The following CTSD variants were observed in gnomAD, a reference collection of about 807,000 sequenced individuals.
CTSD encodes the protein ceroid-lipofuscinosis, neuronal 10.
A neutral mutation model predicts 43.6 loss-of-function variants in CTSD; 28 were observed. The observed-to-expected ratio is 0.64, with a 90% CI of 0.48 to 0.88. The LOEUF is 0.88. Among genes scored for constraint, CTSD ranks in the 40% least tolerant of loss-of-function variants. The probability of loss-of-function intolerance (pLI) is 0.00; values close to 1 mark genes in which losing one functional copy is unlikely to be tolerated. For missense variants in CTSD, 485 were observed against 555.2 expected (o/e 0.87, Z 1.27); for synonymous variants, 270 against 249.8 (o/e 1.08, Z -0.76).
At chr11:1,759,685 C>T in intron 2 of CTSD, 46 bp from the exon 3 acceptor site, 5 of 1,588,778 alleles carry the variant, frequency 3.1e-6, no homozygotes, top group Non-Finnish European at 3.4e-6. Flanking sequence ...GGGGCCCCAT[C>T]TCCCCACTGG....
Position 1,759,500 on chromosome 11 carries a change from A to G in CTSD, c.352+16T>C, listed in dbSNP as rs2133664139. On this transcript the variant is annotated intron_variant, in intron 3 of 8. Coordinates refer to ENST00000236671, the MANE Select transcript of CTSD (RefSeq NM_001909.5). The stretch of plus-strand genomic sequence containing the variant: ...AGGGCAGGACCTGGGCGACGGGGCC[A>G]GGGTTCGTGACTCACAGCAAGCGAT... The G allele has an allele frequency of 1.2e-6, 2 of 1,612,988 alleles. No homozygotes were observed. The highest frequency in any genetic ancestry group is 1.7e-6 in the Non-Finnish European group (2 of 1,179,922).
intron 1 of CTSD, 25 bp from the exon 2 acceptor site, chr11:1,761,493 T>A (rs1845876958): frequency 6.2e-7 from 1 of 1,613,212 alleles, no homozygotes; most frequent in Non-Finnish European, 8.5e-7. Context: ...TCGGGGCATA[T>A]CAGGGAGGCC....
At chr11:1,754,826 C>A in intron 6 of CTSD, 80 bp downstream of exon 6, 1 of 1,592,762 alleles carries the variant, frequency 6.3e-7, no homozygotes, top group Non-Finnish European at 8.6e-7. Context: ...CCCCCACCTG[C>A]AGAACCGGGG....
rs1376744049 is a variant in CTSD, at chr11:1,761,401, G to A, written c.136C>T (p.Leu46=). 1.2e-6 allele frequency: 2 copies of A among 1,613,724 alleles called. No homozygotes were observed. The highest frequency in any genetic ancestry group is 1.7e-6 in the Non-Finnish European group (2 of 1,180,006). ...TTTGAGACGGGGCCTTTGGCAATCA[G>A]GTCCTCCACAGAGCCCCCAACCTCC... ...MSEVGGSVED[L]IAKGPVSKYS... The change falls in exon 2 of 9, where the codon CTG becomes TTG. Residue 46 remains leucine (L), a synonymous_variant. Coordinates refer to ENST00000236671, the MANE Select transcript of CTSD (RefSeq NM_001909.5).
rs1313406358 is a variant in CTSD at position 1,754,412 on chromosome 11, AAGGGATGGAGGGGCATGGAGGGATGG to A, written c.828-300_828-275del. Among the ~76,000 whole-genome samples the A allele has an allele frequency of 2.3e-3, 206 of 89,916 alleles. 3 individuals are homozygous for A. The highest frequency in any genetic ancestry group is 7.3e-3 in the African/African-American group (199 of 27,316). The allele number at this position is 89,916 out of a possible 152,430, so 59.0% of individuals were successfully genotyped here. A position where few individuals can be genotyped will look rare whatever the true frequency, so the allele number is the denominator to read the frequency against. ...AGGGATGGAGGGGATGGAGGGGATG[AAGGGATGGAGGGGCATGGAGGGATGG>A]AGGGATGGAGGGATAGACAGATGGA... is the stretch of plus-strand genomic sequence containing the variant. On this transcript the variant is annotated intron_variant, in intron 6 of 8. Coordinates refer to ENST00000236671, the MANE Select transcript of CTSD (RefSeq NM_001909.5).
At chr11:1,754,363 G>A (rs1845770445) in intron 6 of CTSD, 1 of 572,762 alleles carries the variant, frequency 1.7e-6, no homozygotes, top group Non-Finnish European at 3.1e-6. Flanking sequence ...GGCATGGAGG[G>A]ATGGAGGGGA....
In CTSD at chr11:1,753,359, C is replaced by A; in HGVS notation, c.*144G>T. The A allele has an allele frequency of 1.1e-6, 1 of 930,872 alleles. No homozygotes were observed. Among genetic ancestry groups the A allele is most frequent in the South Asian group, 1.3e-5 (1 of 74,842 alleles). 57.7% of individuals were successfully genotyped at this position (930,872 alleles called of 1,614,324 possible). On this transcript the variant is annotated 3_prime_UTR_variant, in exon 9 of 9. Coordinates refer to ENST00000236671, the MANE Select transcript of CTSD (RefSeq NM_001909.5). ...AAAACCACAGAACAAAACAGCAAGT[C>A]GGGCTTGGGCCGCCGGCTTCCAGGG... is the stretch of plus-strand genomic sequence containing the variant.
rs1845879561 is a variant in CTSD, at chr11:1,761,648, C to T, written c.69-180G>A. ...GCTCCCCCAAGTCAGTGAATGGCAA[C>T]CCATTGCCCCCCGCCAGGTTGCACA... On this transcript the variant is annotated intron_variant, in intron 1 of 8. Transcript: ENST00000236671. 5.7e-6 allele frequency: 4 copies of T among 697,592 alleles called. No individual in the cohort carries two copies. In the East Asian group the frequency reaches 8.2e-5, roughly 14 times the overall value. 43.2% of individuals were successfully genotyped at this position (697,592 alleles called of 1,614,324 possible). A position where few individuals can be genotyped will look rare whatever the true frequency, so the allele number is the denominator to read the frequency against.
In CTSD at chr11:1,757,553, G is replaced by A. The variant is rs375802296; in HGVS notation, c.475C>T (p.Pro159Ser). The change falls in exon 5 of 9, where the codon CCC becomes TCC. Residue 159 changes from proline to serine, a missense_variant. By Grantham distance (74) the Pro-to-Ser change is moderately conservative. Transcript: ENST00000236671. ...GYLSQDTVSV[P>S]CQSASSASAL... ...GAGGCTGACGACGCTGACTGGCAGG[G>A]CACCTGCAGGCCAGGGCAGAGTCAG... is the stretch of plus-strand genomic sequence containing the variant. 1 of 1,607,852 alleles carries A rather than the reference G, an allele frequency of 6.2e-7. No individual in the cohort carries two copies. The highest frequency in any genetic ancestry group is 8.5e-7 in the Non-Finnish European group (1 of 1,179,014).
At chr11:1,761,212 C>T (rs1247996605) in intron 2 of CTSD, 97 bp downstream of exon 2, 23 of 1,418,306 alleles carry the variant, frequency 1.6e-5, no homozygotes, top group South Asian at 9.3e-5. Context: ...ACTCAAACTG[C>T]GCTGCTGAGA....
intron 6 of CTSD, among the ~76,000 whole-genome samples, chr11:1,754,516 A>AGGGATGTG (rs1845778313): frequency 9.2e-5 from 3 of 32,634 alleles, no homozygotes; most frequent in Non-Finnish European, 1.1e-4. Flanking sequence ...GGAGGGATGG[A>AGGGATGTG]GGGATGGAGG....
intron 8 of CTSD, 38 bp downstream of exon 8, chr11:1,753,765 G>A (rs374247097): frequency 8.7e-6 from 14 of 1,608,856 alleles, no homozygotes; most frequent in African/African-American, 6.7e-5. Context: ...CTCACCGCCC[G>A]CTCACCTGGG....
At chr11:1,761,532 G>T (rs116662058) in intron 1 of CTSD, 64 bp from the exon 2 acceptor site, 1 of 1,564,476 alleles carries the variant, frequency 6.4e-7, no homozygotes, top group Non-Finnish European at 8.8e-7. Context: ...CGCTGCCAAT[G>T]CTGCACATCC....
At position 1,755,083 on chromosome 11, in the gene CTSD, C is replaced by T. The variant is rs1456932361; in HGVS notation, c.705-55G>A. 6 of 1,609,568 alleles carry T rather than the reference C, an allele frequency of 3.7e-6. No individual in the cohort carries two copies. The Admixed American group carries it at 1.0e-4, about 27-fold the overall frequency. The stretch of plus-strand genomic sequence containing the variant: ...ACGCCACCCCCCAAGCACAAGAGTG[C>T]CAGGTCAGGAGTAAGAGGGTGAATG... On this transcript the variant is annotated intron_variant, in intron 5 of 8. Coordinates refer to ENST00000236671, the MANE Select transcript of CTSD (RefSeq NM_001909.5).
rs1452124479 is a variant in CTSD at position 1,753,631 on chromosome 11, T to C, written c.1111A>G (p.Met371Val). The change falls in exon 9 of 9, where the codon ATG (methionine) becomes GTG (valine). Residue 371 changes from methionine to valine, a missense_variant. By Grantham distance (21) the Met-to-Val change is conservative (BLOSUM62 1). Coordinates refer to ENST00000236671, the MANE Select transcript of CTSD (RefSeq NM_001909.5). ...CTGGGTGGCGGGATGTCCATGCCCA[T>C]GAAGCCGCTCAGGCAGAGGGTCTTC... is the stretch of plus-strand genomic sequence containing the variant. The part of the protein sequence containing the change: ...AGKTLCLSGF[M>V]GMDIPPPSGP... 3 of 1,612,930 alleles carry C rather than the reference T, an allele frequency of 1.9e-6. No homozygotes were observed. In the Admixed American group the frequency reaches 5.0e-5, roughly 27 times the overall value.
At chr11:1,761,512 T>C in intron 1 of CTSD, 44 bp from the exon 2 acceptor site, 1 of 1,609,988 alleles carries the variant, frequency 6.2e-7, no homozygotes, top group South Asian at 1.1e-5. Context: ...CCCTCCCGCC[T>C]GCCGGCCGAC....
At position 1,759,613 on chromosome 11, in the gene CTSD, G is replaced by A. The variant is rs145281838; in HGVS notation, c.255C>T (p.Ile85=). The change falls in exon 3 of 9, where the codon ATC becomes ATT. Residue 85 remains isoleucine, a synonymous_variant. Transcript: ENST00000236671. ...CTGTGAAGCACTGGGGGGGCGTCCC[G>A]ATGCCAATCTCCCCGTAGTACTGGG... ...MDAQYYGEIG[I]GTPPQCFTVV... 6.2e-6 allele frequency: 10 copies of A among 1,613,384 alleles called. No homozygotes were observed. The highest frequency in any genetic ancestry group is 8.5e-6 in the Non-Finnish European group (10 of 1,179,930).
intron 1 of CTSD, chr11:1,761,696 C>T (rs1448798781): frequency 1.2e-5 from 7 of 597,116 alleles, no homozygotes; most frequent in Non-Finnish European, 2.1e-5. Context: ...AAGAAGTGGT[C>T]ACCCGCCACC....
At chr11:1,762,608 C>A (rs1845895442) in intron 1 of CTSD, 1 of 152,132 alleles carries the variant, frequency 6.6e-6, no homozygotes, top group South Asian at 2.1e-4. Context: ...GACACGCCCT[C>A]CAGGGACCAG....
Sources: gnomAD v4.1 joint callset for allele counts (sites outside exome capture counted in the v4.1 genomes callset) on GRCh38, gnomAD v4.1.1 for gene constraint, MANE v1.5 for transcripts, NCBI Gene and HGNC (gene_info 2026-07-23, HGNC 2026-07-21) for gene names.